The following TNS3 variants were observed in gnomAD, a reference collection of about 807,000 sequenced individuals.
The protein encoded by TNS3 is tensin 3.
A neutral mutation model predicts 140.9 loss-of-function variants in TNS3; 45 were observed. The observed-to-expected ratio is 0.32, with a 90% CI of 0.25 to 0.41. The LOEUF is 0.41. TNS3 is among the 10% of genes least tolerant of loss of function. The pLI, the probability that TNS3 is intolerant of heterozygous loss-of-function variation, is 1.00. For missense variants in TNS3, 1,716 were observed against 1,906.7 expected, an observed-to-expected ratio of 0.90 and a Z score of 1.86; for synonymous variants, 815 against 788.4, an observed-to-expected ratio of 1.03 and a Z score of -0.56.
intron 25 of TNS3, 118 bp downstream of exon 25, chr7:47,293,615 G>C (rs543115327): frequency 1.2e-6 from 1 of 815,566 alleles, no homozygotes; most frequent in South Asian, 1.6e-5. Context: ...CAGAACTGGG[G>C]ACTGAAATAT....
chr7:47,497,024 T>C (rs1271904186), intron 3 of TNS3, among the ~76,000 whole-genome samples: 1 of 144,932 alleles, frequency 6.9e-6, no homozygotes, highest in East Asian at 2.0e-4. Flanking sequence ...GCTCTGCCAT[T>C]AGCCATATGG....
Position 47,368,679 on chromosome 7 carries a change from G to C in TNS3, c.1967C>G (p.Thr656Arg). 6.3e-7 allele frequency: 1 copy of C among 1,596,380 alleles called. No individual in the cohort carries two copies. Among genetic ancestry groups the C allele is most frequent in the Non-Finnish European group, 8.5e-7 (1 of 1,172,084 alleles). ...CGCTTTGCTGGGAGAGGGCTGCTGT[G>C]TGTCAGGGGGATGTGGCCCACTGCC... ...GVGSGPHPPD[T>R]QQPSPSKAFK... Residue 656 changes from threonine to arginine, a missense_variant, in exon 17 of 31, where the codon ACA becomes AGA. By Grantham distance (71) the Thr-to-Arg change is moderately conservative. Around this residue, in one of 3 missense-constraint regions of TNS3, gnomAD observed 1,163 missense variants for 1,182.1 expected, o/e 0.98. Coordinates refer to ENST00000311160, the MANE Select transcript of TNS3 (RefSeq NM_022748.12).
intron 4 of TNS3, among the ~76,000 whole-genome samples, chr7:47,453,933 A>G (rs1796136896): frequency 1.3e-5 from 2 of 152,260 alleles, no homozygotes; most frequent in Non-Finnish European, 2.9e-5. Flanking sequence ...TCATGACTAC[A>G]TGGTCAGTCA....
At chr7:47,400,557 C>T in intron 14 of TNS3, 99 bp from the exon 15 acceptor site, 1 of 1,324,338 alleles carries the variant, frequency 7.6e-7, no homozygotes, top group Non-Finnish European at 1.1e-6. Flanking sequence ...AGCACCACTC[C>T]CAAATCTGCA....
At chr7:47,370,702 T>C (rs553195080) in intron 16 of TNS3, among the ~76,000 whole-genome samples, 1 of 152,324 alleles carries the variant, frequency 6.6e-6, no homozygotes, top group East Asian at 1.9e-4. Context: ...TCCCGCACTT[T>C]CTTCTACTTC....
At chr7:47,396,461 C>T (rs1792834644) in intron 16 of TNS3, 1 of 282,112 alleles carries the variant, frequency 3.5e-6, no homozygotes, top group African/African-American at 2.2e-5. Flanking sequence ...CTTGGCATCC[C>T]CATATGCAAA....
Position 47,283,706 on chromosome 7 carries a change from T to C in TNS3, c.4088A>G (p.Asn1363Ser), listed in dbSNP as rs766838504. The change falls in exon 28 of 31, where the codon AAT becomes AGT. Residue 1363 changes from asparagine (N) to serine (S), a missense_variant. By Grantham distance (46) the Asn-to-Ser change is conservative. Transcript: ENST00000311160. Reference sequence around the variant, plus strand: ...CCCTCTAGGCACTCACTTCCTCTGATTGTCTGTCAGGGTGATGCCCTGGGC... The same window carrying C: ...CCCTCTAGGCACTCACTTCCTCTGACTGTCTGTCAGGGTGATGCCCTGGGC... ...VSAQGITLTD[N>S]QRKLFFRRHY... 7 of 1,575,096 alleles carry C rather than the reference T, an allele frequency of 4.4e-6. No individual in the cohort carries two copies. Among genetic ancestry groups the C allele is most frequent in the Non-Finnish European group, 6.0e-6 (7 of 1,162,356 alleles).
At chr7:47,528,588 T>A (rs1454378664) in intron 2 of TNS3, among the ~76,000 whole-genome samples, 2 of 152,216 alleles carry the variant, frequency 1.3e-5, no homozygotes, top group Non-Finnish European at 2.9e-5. Flanking sequence ...TTCCATTCAT[T>A]ACTTGACGTC....
At chr7:47,518,276 G>A (rs1031597670) in intron 2 of TNS3, among the ~76,000 whole-genome samples, 8 of 152,236 alleles carry the variant, frequency 5.3e-5, no homozygotes, top group Middle Eastern at 3.4e-3. Flanking sequence ...CTCTCTGTGC[G>A]CCCGTGTGGC....
chr7:47,553,065 C>T (rs1800104069), intron 1 of TNS3, among the ~76,000 whole-genome samples: 1 of 152,222 alleles, frequency 6.6e-6, no homozygotes, highest in Non-Finnish European at 1.5e-5. Context: ...AAGGCCCTAA[C>T]TCTCTTCAAT....
At chr7:47,501,483 C>A (rs1282828734) in intron 3 of TNS3, among the ~76,000 whole-genome samples, 1 of 152,168 alleles carries the variant, frequency 6.6e-6, no homozygotes, top group East Asian at 1.9e-4. Context: ...GAAAGACAGG[C>A]CCCTGCCCTG....
chr7:47,372,513 T>C (rs1284281209), intron 16 of TNS3, among the ~76,000 whole-genome samples: 1 of 152,224 alleles, frequency 6.6e-6, no homozygotes, highest in Non-Finnish European at 1.5e-5. Context: ...GAAGGCCCTG[T>C]ACCAAATGGT....
rs542975834 is a variant in TNS3 at position 47,312,348 on chromosome 7, T to C, written c.2651-7345A>G. Among the ~76,000 whole-genome samples, 122 of 152,340 alleles carry C rather than the reference T, an allele frequency of 8.0e-4. 2 individuals carry two copies. Among genetic ancestry groups the C allele is most frequent in the African/African-American group, 2.8e-3 (116 of 41,582 alleles). ...CCATCCCTCTGCACCCTCACTTCTATTCCCAGTACTAAGATGACTTATCTC... is the reference window on the plus strand; with the variant it reads ...CCATCCCTCTGCACCCTCACTTCTACTCCCAGTACTAAGATGACTTATCTC... On this transcript the variant is annotated intron_variant, in intron 20 of 30. Transcript: ENST00000311160.
intron 17 of TNS3, among the ~76,000 whole-genome samples, chr7:47,348,381 C>T (rs962486685): frequency 3.3e-5 from 5 of 152,196 alleles, no homozygotes; most frequent in African/African-American, 9.7e-5. Flanking sequence ...CCAGGAGCTC[C>T]GCTGCCCTGT....
intron 10 of TNS3, among the ~76,000 whole-genome samples, chr7:47,417,041 G>C (rs1209777240): frequency 6.6e-6 from 1 of 152,180 alleles, no homozygotes; most frequent in Non-Finnish European, 1.5e-5. Flanking sequence ...CTGTTCCCTG[G>C]GGGTGTTCTC....
chr7:47,328,763 C>T (rs1788170287), intron 20 of TNS3, among the ~76,000 whole-genome samples: 1 of 152,212 alleles, frequency 6.6e-6, no homozygotes, highest in Non-Finnish European at 1.5e-5. Flanking sequence ...ATGCAAATCC[C>T]ACCCTGTCAC....
At position 47,386,295 on chromosome 7, in the gene TNS3, G is replaced by A. The variant is rs375219464; in HGVS notation, c.1024+10505C>T. Among the ~76,000 whole-genome samples, 13 of 152,314 alleles carry A rather than the reference G, an allele frequency of 8.5e-5. No individual in the cohort carries two copies. In the East Asian group the frequency reaches 2.3e-3, roughly 27 times the overall value. On this transcript the variant is annotated intron_variant, in intron 16 of 30. Transcript: ENST00000311160. ...ACATCCACAACAGGCAGGTGCAGGC[G>A]GAGCGCACACAGGACATTTGCTGGG... is the stretch of plus-strand genomic sequence containing the variant.
intron 27 of TNS3, among the ~76,000 whole-genome samples, chr7:47,286,754 C>T (rs1265257617): frequency 6.6e-6 from 1 of 152,130 alleles, no homozygotes; most frequent in Admixed American, 6.5e-5. Flanking sequence ...AAATTAGAAA[C>T]ATGGTAAATG....
intron 3 of TNS3, among the ~76,000 whole-genome samples, chr7:47,484,337 C>T (rs769497994): frequency 6.6e-6 from 1 of 152,180 alleles, no homozygotes; most frequent in African/African-American, 2.4e-5. Context: ...TTAGCAAAAA[C>T]CATGACCAAG....
Sources: gnomAD v4.1 joint callset for allele counts (sites outside exome capture counted in the v4.1 genomes callset) on GRCh38, gnomAD v4.1.1 for gene constraint, gnomAD v4.1.1 regional missense constraint, MANE v1.5 for transcripts, NCBI Gene and HGNC (gene_info 2026-07-23, HGNC 2026-07-21) for gene names.